KIAA0319L: variants seen among roughly 807,000 people sequenced by gnomAD.
KIAA0319L encodes KIAA0319 like, also known as dyslexia-associated protein KIAA0319-like protein.
In KIAA0319L, 55 loss-of-function variants were observed where a neutral mutation model predicts 120.1. The ratio of observed to expected loss-of-function variants is 0.46; its 90% CI spans 0.37 to 0.57. KIAA0319L has a LOEUF of 0.57. KIAA0319L is among the 20% of genes least tolerant of loss of function. The pLI is 0.00. For synonymous variants in KIAA0319L, 398 were observed against 471.9 expected (o/e 0.84, Z 2.03); for missense variants, 1,049 against 1,255.3 (o/e 0.84, Z 2.48).
chr1:35,497,131 G>T (rs1047256045), intron 3 of KIAA0319L, among the ~76,000 whole-genome samples: 4 of 151,956 alleles, frequency 2.6e-5, no homozygotes, highest in African/African-American at 4.8e-5. Flanking sequence ...GCCTAGGACT[G>T]GGGGTGGGAA....
At chr1:35,479,645 C>T (rs1018648044) in intron 3 of KIAA0319L, among the ~76,000 whole-genome samples, 1 of 152,138 alleles carries the variant, frequency 6.6e-6, no homozygotes, top group African/African-American at 2.4e-5. Flanking sequence ...GTGGCTCACG[C>T]CTGTACTCCC....
chr1:35,460,197 A>C (rs534947064), intron 9 of KIAA0319L, 108 bp downstream of exon 9: 1 of 914,186 alleles, frequency 1.1e-6, no homozygotes, highest in Admixed American at 2.3e-5. Flanking sequence ...TTATCAACCA[A>C]CTCCACAGTG....
intron 3 of KIAA0319L, among the ~76,000 whole-genome samples, chr1:35,501,084 A>C (rs996867455): frequency 1.3e-5 from 2 of 152,068 alleles, no homozygotes; most frequent in Non-Finnish European, 2.9e-5. Context: ...CCTCATGTCT[A>C]TCCACTCTCC....
rs1648261008 is a variant in KIAA0319L at position 35,557,321 on chromosome 1, AG to A, written c.-144del. 4.4e-6 allele frequency: 1 copy of A among 228,534 alleles called. No homozygotes were observed. Among genetic ancestry groups the A allele is most frequent in the African/African-American group, 2.5e-5 (1 of 40,362 alleles). 14.2% of individuals were successfully genotyped at this position (228,534 alleles called of 1,614,324 possible). A position where few individuals can be genotyped will look rare whatever the true frequency, so the allele number is the denominator to read the frequency against. Reference sequence around the variant, plus strand: ...CCCCTCACCCGGAGGAGGAGGAGGAAGAGGAAGAAGGTAGTGCGGGCTCCCC... The same window carrying A: ...CCCCTCACCCGGAGGAGGAGGAGGAAAGGAAGAAGGTAGTGCGGGCTCCCC... On this transcript the variant is annotated 5_prime_UTR_variant, in exon 1 of 21. Coordinates refer to ENST00000325722, the MANE Select transcript of KIAA0319L (RefSeq NM_024874.5).
At chr1:35,544,095 T>C (rs979052137) in intron 2 of KIAA0319L, among the ~76,000 whole-genome samples, 1 of 152,198 alleles carries the variant, frequency 6.6e-6, no homozygotes, top group South Asian at 2.1e-4. Context: ...GGGCCGGGCA[T>C]GGTGGCTCGT....
intron 2 of KIAA0319L, among the ~76,000 whole-genome samples, chr1:35,519,031 C>A (rs11582880): frequency 0.033 from 4,912 of 148,676 alleles, 115 homozygotes; most frequent in Middle Eastern, 0.067. Flanking sequence ...TACAGTTTGA[C>A]TAATGTCAGA....
At chr1:35,505,315 T>C (rs1645167977) in intron 3 of KIAA0319L, among the ~76,000 whole-genome samples, 1 of 152,166 alleles carries the variant, frequency 6.6e-6, no homozygotes. Context: ...AGCCTTTACA[T>C]ACACTGTGGC....
At chr1:35,505,050 T>C (rs369638681) in intron 3 of KIAA0319L, among the ~76,000 whole-genome samples, 19 of 152,316 alleles carry the variant, frequency 1.2e-4, no homozygotes, top group African/African-American at 4.1e-4. Flanking sequence ...TTTCTTTCTT[T>C]AAAGTGGCCT....
chr1:35,484,210 A>G lies in KIAA0319L; in HGVS notation c.667-4998T>C, dbSNP rs1644278487. Among the ~76,000 whole-genome samples, 5 of 152,272 alleles carry G rather than the reference A, an allele frequency of 3.3e-5. 1 individual carries two copies. In the South Asian group the frequency reaches 1.0e-3, roughly 32 times the overall value. On this transcript the variant is annotated intron_variant, in intron 3 of 20. Coordinates refer to ENST00000325722, the MANE Select transcript of KIAA0319L (RefSeq NM_024874.5). ...CTCTCAGCAGAGTTTTGTAGTTTTCAGTATACAGTTTTTGCACATATTTTG... is the reference window on the plus strand; with the variant it reads ...CTCTCAGCAGAGTTTTGTAGTTTTCGGTATACAGTTTTTGCACATATTTTG...
chr1:35,528,874 C>A (rs1183611958), intron 2 of KIAA0319L, among the ~76,000 whole-genome samples: 1 of 152,060 alleles, frequency 6.6e-6, no homozygotes, highest in Non-Finnish European at 1.5e-5. Flanking sequence ...TCTCTTTTTA[C>A]TGGTTTTGAC....
chr1:35,553,237 G>T (rs903499116), intron 2 of KIAA0319L, among the ~76,000 whole-genome samples: 1 of 151,732 alleles, frequency 6.6e-6, no homozygotes, highest in Admixed American at 6.6e-5. Flanking sequence ...TTTTTTTAAA[G>T]AAGTGATTTT....
intron 2 of KIAA0319L, among the ~76,000 whole-genome samples, chr1:35,527,669 T>A (rs1318891885): frequency 1.3e-5 from 2 of 152,126 alleles, no homozygotes; most frequent in East Asian, 3.9e-4. Context: ...TTCCTCTAGG[T>A]TTTCCTGTTT....
intron 2 of KIAA0319L, among the ~76,000 whole-genome samples, chr1:35,544,941 T>C (rs1227219991): frequency 6.6e-6 from 1 of 152,122 alleles, no homozygotes; most frequent in East Asian, 1.9e-4. Flanking sequence ...AGGGACAATT[T>C]CCCAACCATG....
intron 7 of KIAA0319L, among the ~76,000 whole-genome samples, chr1:35,463,848 C>T (rs1643068815): frequency 6.6e-6 from 1 of 152,116 alleles, no homozygotes; most frequent in African/African-American, 2.4e-5. Flanking sequence ...GGGGGTGGGT[C>T]TTTCCTGTGC....
intron 2 of KIAA0319L, among the ~76,000 whole-genome samples, chr1:35,534,264 C>T (rs1646482481): frequency 6.6e-6 from 1 of 152,160 alleles, no homozygotes; most frequent in Non-Finnish European, 1.5e-5. Flanking sequence ...AATTAATAGG[C>T]TTTGTGTACA....
chr1:35,480,723 T>A (rs1644128941), intron 3 of KIAA0319L, among the ~76,000 whole-genome samples: 1 of 151,908 alleles, frequency 6.6e-6, no homozygotes, highest in South Asian at 2.1e-4. Context: ...AGGCGGAGGC[T>A]GCAGTGAGCC....
At chr1:35,502,865 T>C (rs549615446) in intron 3 of KIAA0319L, among the ~76,000 whole-genome samples, 2 of 152,326 alleles carry the variant, frequency 1.3e-5, no homozygotes, top group East Asian at 3.9e-4. Flanking sequence ...ATTTTCCTTC[T>C]GTACAAACTA....
At chr1:35,478,888 C>A (rs1644022003) in intron 4 of KIAA0319L, 78 bp downstream of exon 4, 1 of 1,505,630 alleles carries the variant, frequency 6.6e-7, no homozygotes, top group Non-Finnish European at 9.0e-7. Flanking sequence ...TGCCTCCCTT[C>A]CTTCTTTCCT....
At chr1:35,535,723 C>T (rs1276884276) in intron 2 of KIAA0319L, among the ~76,000 whole-genome samples, 1 of 152,072 alleles carries the variant, frequency 6.6e-6, no homozygotes, top group African/African-American at 2.4e-5. Context: ...ACCACTTTTT[C>T]CAGGAAGGCT....
Sources: allele counts gnomAD v4.1 joint callset (sites outside exome capture counted in the v4.1 genomes callset), GRCh38; gene constraint gnomAD v4.1.1; transcripts MANE v1.5; gene names NCBI Gene and HGNC (gene_info 2026-07-23, HGNC 2026-07-21).